The following KCNK17 variants were observed in gnomAD, a reference collection of about 807,000 sequenced individuals.
The protein encoded by KCNK17 is potassium channel subfamily K member 17.
In KCNK17, 27 loss-of-function variants were observed where a neutral mutation model predicts 24.6. The ratio of observed to expected loss-of-function variants is 1.10; its 90% CI spans 0.81 to 1.51. The LOEUF (loss-of-function observed/expected upper bound fraction) is 1.51, where lower values mean the gene tolerates loss of function less well. Among genes scored for constraint, KCNK17 ranks in the 40% most tolerant of loss-of-function variants. The pLI is 0.00. For synonymous variants in KCNK17, 181 were observed against 189.8 expected (o/e 0.95, Z 0.38); for missense variants, 450 against 436.6 (o/e 1.03, Z -0.27).
In KCNK17 at chr6:39,299,706, C is replaced by A. The variant is rs1459231138; in HGVS notation, c.720G>T (p.Trp240Cys). The change falls in exon 5 of 5, where the codon TGG (tryptophan) becomes TGT (cysteine). Residue 240 changes from tryptophan to cysteine, a missense_variant. Transcript: ENST00000373231. Reference sequence around the variant, plus strand: ...TCCACAGGGACACCATGTTCTTGTACCACAGTGGGTACCTCTGGGAGGGGT... The same window carrying A: ...TCCACAGGGACACCATGTTCTTGTAACACAGTGGGTACCTCTGGGAGGGGT... ...GMNPSQRYPL[W>C]YKNMVSLWIL... 3 of 1,613,974 alleles carry A rather than the reference C, an allele frequency of 1.9e-6. No homozygotes were observed. Among genetic ancestry groups the A allele is most frequent in the South Asian group, 2.2e-5 (2 of 91,074 alleles).
At chr6:39,303,844 C>T (rs772290625) in intron 4 of KCNK17, 113 bp downstream of exon 4, 93 of 1,241,402 alleles carry the variant, frequency 7.5e-5, no homozygotes, top group Middle Eastern at 2.1e-4. Flanking sequence ...GATTTTGGGC[C>T]CAAAAGCCCC....
chr6:39,312,543 C>T (rs770042256), intron 1 of KCNK17, among the ~76,000 whole-genome samples: 17 of 152,158 alleles, frequency 1.1e-4, no homozygotes, highest in Admixed American at 1.1e-3. Flanking sequence ...CCTCTCTGAG[C>T]CTGTTTCTTC....
chr6:39,303,294 A>G (rs182889119), intron 4 of KCNK17, among the ~76,000 whole-genome samples: 73 of 152,270 alleles, frequency 4.8e-4, no homozygotes, highest in Middle Eastern at 3.4e-3. Flanking sequence ...CAGGGACAGG[A>G]AGGGGCGGTG....
At chr6:39,305,696 C>T (rs1183652870) in intron 2 of KCNK17, among the ~76,000 whole-genome samples, 1 of 152,232 alleles carries the variant, frequency 6.6e-6, no homozygotes, top group African/African-American at 2.4e-5. Flanking sequence ...TCTTCAGTCT[C>T]CTGTCTGCTG....
chr6:39,299,235 C>T lies in KCNK17; in HGVS notation c.*192G>A, dbSNP rs1412423083. ...AGTGGGGGAGAAGGGCATGCTGCCCCGACACCCGAAAGTCACATCCCATGT... is the reference window on the plus strand; with the variant it reads ...AGTGGGGGAGAAGGGCATGCTGCCCTGACACCCGAAAGTCACATCCCATGT... On this transcript the variant is annotated 3_prime_UTR_variant, in exon 5 of 5. Coordinates refer to ENST00000373231, the MANE Select transcript of KCNK17 (RefSeq NM_031460.4). The T allele has an allele frequency of 1.2e-5, 7 of 577,168 alleles. No individual in the cohort carries two copies. The highest frequency in any genetic ancestry group is 8.6e-5 in the East Asian group (3 of 34,832). 35.8% of individuals were successfully genotyped at this position (577,168 alleles called of 1,614,324 possible).
chr6:39,310,836 C>A, intron 2 of KCNK17, 57 bp downstream of exon 2: 1 of 1,229,396 alleles, frequency 8.1e-7, no homozygotes, highest in South Asian at 1.5e-5. Context: ...CCTGTTGCCT[C>A]TCAGGGAGCT....
At chr6:39,305,650 C>G (rs10807204) in intron 2 of KCNK17, among the ~76,000 whole-genome samples, 27,595 of 152,198 alleles carry the variant, frequency 0.18, 3,188 homozygotes, top group East Asian at 0.39. Context: ...TATTAAAATG[C>G]AAAACTGATT....
At chr6:39,301,140 G>A (rs1761945299) in intron 4 of KCNK17, among the ~76,000 whole-genome samples, 1 of 152,184 alleles carries the variant, frequency 6.6e-6, no homozygotes, top group Non-Finnish European at 1.5e-5. Flanking sequence ...GGTAAGTATA[G>A]CTGAGGGAGG....
In KCNK17 at chr6:39,314,289, T is replaced by C; in HGVS notation, c.32A>G (p.Glu11Gly). The C allele has an allele frequency of 6.8e-7, 1 of 1,471,598 alleles. No individual in the cohort carries two copies. The highest frequency in any genetic ancestry group is 9.0e-7 in the Non-Finnish European group (1 of 1,115,250). 91.2% of individuals were successfully genotyped at this position (1,471,598 alleles called of 1,614,324 possible). Residue 11 changes from glutamate (E) to glycine (G), a missense_variant, in exon 1 of 5, where the codon GAG (glutamate) becomes GGG (glycine). Transcript: ENST00000373231. ...CACCGCGCAGCCCCGGACCCTGCCC[T>C]CGGGAGCCGCCCGGGCTCGCGGTCG... MYRPRARAAPEGRVRGCAVPS... is the reference protein window; with the variant it reads MYRPRARAAPGGRVRGCAVPS...
At position 39,314,169 on chromosome 6, in the gene KCNK17, G is replaced by T; in HGVS notation, c.152C>A (p.Ser51Tyr). The change falls in exon 1 of 5, where the codon TCC becomes TAC. Residue 51 changes from serine to tyrosine, a missense_variant. Ser to Tyr is a moderately radical substitution (Grantham distance 144). Transcript: ENST00000373231. ...WTLEGRAAQD[S>Y]SRSFQRDKWE... The stretch of plus-strand genomic sequence containing the variant: ...CTTGTCGCGCTGGAAGCTGCGGCTG[G>T]AGTCCTGCGCCGCGCGGCCCTCCAG... The T allele has an allele frequency of 6.4e-7, 1 of 1,566,504 alleles. No homozygotes were observed.
chr6:39,303,962 A>G lies in KCNK17; in HGVS notation c.683T>C (p.Val228Ala). ...CAACCGCCAGGAACTCTCACCAATCACGTAGTCGCCGAAGCCCACGGTGCT... is the reference window on the plus strand; with the variant it reads ...CAACCGCCAGGAACTCTCACCAATCGCGTAGTCGCCGAAGCCCACGGTGCT... ...TLSTVGFGDY[V>A]IGMNPSQRYP... Residue 228 changes from valine to alanine, a missense_variant, in exon 4 of 5, where the codon GTG becomes GCG. Physicochemically the swap from Val to Ala is moderately conservative, Grantham distance 64. Transcript: ENST00000373231. The G allele has an allele frequency of 1.2e-6, 2 of 1,612,058 alleles. No homozygotes were observed. The highest frequency in any genetic ancestry group is 8.5e-7 in the Non-Finnish European group (1 of 1,179,698).
At chr6:39,310,002 T>C (rs942874496) in intron 2 of KCNK17, among the ~76,000 whole-genome samples, 9 of 152,204 alleles carry the variant, frequency 5.9e-5, no homozygotes, top group African/African-American at 2.2e-4. Context: ...ATCCTCTGGG[T>C]GCTCTTGCCT....
At chr6:39,303,869 ACAG>A (rs766923547) in intron 4 of KCNK17, 85 bp downstream of exon 4, 19 of 1,419,636 alleles carry the variant, frequency 1.3e-5, no homozygotes, top group Non-Finnish European at 1.8e-5. Flanking sequence ...TGGCGTGCAC[ACAG>A]CAGGTGCGCC....
chr6:39,305,095 C>G (rs1314625138), intron 2 of KCNK17, among the ~76,000 whole-genome samples: 1 of 152,210 alleles, frequency 6.6e-6, no homozygotes. Flanking sequence ...CCACACTGCT[C>G]CCAGCCATGC....
rs761621636 is a variant in KCNK17 at position 39,310,898 on chromosome 6, G to C, written c.347C>G (p.Thr116Ser). 6.3e-7 allele frequency: 1 copy of C among 1,598,666 alleles called. No homozygotes were observed. The highest frequency in any genetic ancestry group is 1.1e-5 in the South Asian group (1 of 90,224). Residue 116 changes from threonine to serine, a missense_variant, in exon 2 of 5, where the codon ACC becomes AGC. By Grantham distance (58) the Thr-to-Ser change is moderately conservative (BLOSUM62 1). Transcript: ENST00000373231. ...TGGCCCCATCTGGCCCTTACCAATG[G>C]TGGTGATGGTGGACACAGAAAAGAA... ...SFFFSVSTIT[T>S]IGYGNLSPNT...
chr6:39,303,894 C>T lies in KCNK17; in HGVS notation c.688+63G>A, dbSNP rs1033009001. On this transcript the variant is annotated intron_variant, in intron 4 of 4. Transcript: ENST00000373231. ...ACAGCAGGTGCGCCAGCTGCGGGAG[C>T]AGATGAGTGAGAGGTATAGGCAGCC... is the stretch of plus-strand genomic sequence containing the variant. The T allele has an allele frequency of 2.9e-5, 45 of 1,554,520 alleles. No homozygotes were observed. In the Admixed American group the frequency reaches 7.4e-4, roughly 26 times the overall value.
chr6:39,303,594 T>C (rs554296556), intron 4 of KCNK17, among the ~76,000 whole-genome samples: 1 of 152,296 alleles, frequency 6.6e-6, no homozygotes, highest in Admixed American at 6.5e-5. Context: ...CCGGGTACTG[T>C]GATCTCCAGC....
At position 39,314,255 on chromosome 6, in the gene KCNK17, G is replaced by C. The variant is rs1173198229; in HGVS notation, c.66C>G (p.Thr22=). ...CCAGGTAGGCGAGCAGCAGGAGCAC[G>C]GTGCTGGGCACCGCGCAGCCCCGGA... ...GRVRGCAVPS[T]VLLLLAYLAY... The change falls in exon 1 of 5, where the codon ACC becomes ACG. Residue 22 remains threonine (T), a synonymous_variant. Transcript: ENST00000373231. 6.5e-7 allele frequency: 1 copy of C among 1,532,676 alleles called. No homozygotes were observed. The highest frequency in any genetic ancestry group is 8.7e-7 in the Non-Finnish European group (1 of 1,144,090). 94.9% of individuals were successfully genotyped at this position (1,532,676 alleles called of 1,614,324 possible).
intron 1 of KCNK17, among the ~76,000 whole-genome samples, chr6:39,313,470 G>A (rs28656097): frequency 0.018 from 2,759 of 152,232 alleles, 75 homozygotes; most frequent in African/African-American, 0.058. Context: ...GGGTGGCCCC[G>A]ACCAGCACGC....
Sources: gnomAD v4.1 joint callset for allele counts (sites outside exome capture counted in the v4.1 genomes callset) on GRCh38, gnomAD v4.1.1 for gene constraint, MANE v1.5 for transcripts, NCBI Gene and HGNC (gene_info 2026-07-23, HGNC 2026-07-21) for gene names.